EPC2: variants seen among roughly 807,000 people sequenced by gnomAD.
The protein encoded by EPC2 is enhancer of polycomb 2, also known as enhancer of polycomb homolog 2.
A neutral mutation model predicts 92.1 loss-of-function variants in EPC2; 14 were observed. That is an observed-to-expected ratio of 0.15 (90% CI 0.10 to 0.24). The LOEUF (loss-of-function observed/expected upper bound fraction) is 0.24. EPC2 is among the 10% of genes least tolerant of loss of function. The pLI, the probability that EPC2 is intolerant of heterozygous loss-of-function variation, is 1.00. For missense variants in EPC2, 755 were observed against 971.5 expected, an observed-to-expected ratio of 0.78 and a Z score of 2.96; for synonymous variants, 340 against 334.7, an observed-to-expected ratio of 1.02 and a Z score of -0.17.
At chr2:148,677,952 C>T (rs1050405145) in intron 1 of EPC2, among the ~76,000 whole-genome samples, 7 of 152,046 alleles carry the variant, frequency 4.6e-5, no homozygotes, top group Admixed American at 2.6e-4. Context: ...TTGCAAAGAG[C>T]GAAAGAACAA....
intron 1 of EPC2, among the ~76,000 whole-genome samples, chr2:148,677,936 G>T (rs1344160209): frequency 6.6e-6 from 1 of 152,150 alleles, no homozygotes; most frequent in African/African-American, 2.4e-5. Context: ...GCAGTAGCAA[G>T]ATTTATTGCA....
intron 1 of EPC2, among the ~76,000 whole-genome samples, chr2:148,678,214 G>A (rs1176918463): frequency 6.6e-6 from 1 of 152,198 alleles, no homozygotes; most frequent in Non-Finnish European, 1.5e-5. Context: ...GACACAGGGT[G>A]CTGATTGGTG....
chr2:148,658,756 C>T (rs189366714), intron 1 of EPC2, among the ~76,000 whole-genome samples: 1 of 151,460 alleles, frequency 6.6e-6, no homozygotes, highest in Admixed American at 6.6e-5. Context: ...CTTAATTCAG[C>T]GACATGGGTT....
chr2:148,746,737 A>G (rs1460997094), intron 3 of EPC2, among the ~76,000 whole-genome samples: 1 of 152,158 alleles, frequency 6.6e-6, no homozygotes, highest in African/African-American at 2.4e-5. Flanking sequence ...CCTATTCTTA[A>G]GAAATATACA....
chr2:148,745,897 A>G (rs1488306275), intron 3 of EPC2, among the ~76,000 whole-genome samples: 1 of 152,066 alleles, frequency 6.6e-6, no homozygotes, highest in East Asian at 1.9e-4. Flanking sequence ...CTGGGAGACT[A>G]TTTCAATGAA....
At chr2:148,735,852 A>AC (rs1434701901) in intron 2 of EPC2, among the ~76,000 whole-genome samples, 1 of 150,168 alleles carries the variant, frequency 6.7e-6, no homozygotes, top group African/African-American at 2.4e-5. Flanking sequence ...CATTTATCTT[A>AC]CTTTTTTTTA....
chr2:148,645,309 G>A lies in EPC2; in HGVS notation c.153+139G>A, dbSNP rs936691882. 19 of 777,818 alleles carry A rather than the reference G, an allele frequency of 2.4e-5. No homozygotes were observed. In the African/African-American group the frequency reaches 2.7e-4, roughly 11 times the overall value. 48.2% of individuals were successfully genotyped at this position (777,818 alleles called of 1,614,324 possible). A position where few individuals can be genotyped will look rare whatever the true frequency, so the allele number is the denominator to read the frequency against. On this transcript the variant is annotated intron_variant, in intron 1 of 13. Transcript: ENST00000258484. ...CTAACGCACGGGACTCTACGCCGGC[G>A]GAGTAGCGTAAACCCTCTCGGCCGG... is the stretch of plus-strand genomic sequence containing the variant.
In EPC2 at chr2:148,698,892, G is replaced by A. The variant is rs150028875; in HGVS notation, c.313+8519G>A. On this transcript the variant is annotated intron_variant, in intron 2 of 13. Coordinates refer to ENST00000258484, the MANE Select transcript of EPC2 (RefSeq NM_015630.4). ...ATGTGTGTATGTGTTTGTGGCTTTC[G>A]CTTTTTCACTGACTGTCATAGAGTA... Among the ~76,000 whole-genome samples, 128 of 145,446 alleles carry A rather than the reference G, an allele frequency of 8.8e-4. No homozygotes were observed. The East Asian group carries it at 0.023, about 27-fold the overall frequency.
At chr2:148,647,035 G>A (rs371338918) in intron 1 of EPC2, among the ~76,000 whole-genome samples, 1 of 151,960 alleles carries the variant, frequency 6.6e-6, no homozygotes. Context: ...GCTTGAACCC[G>A]GGAGAAAGAG....
intron 2 of EPC2, among the ~76,000 whole-genome samples, chr2:148,709,653 A>G (rs1682088546): frequency 6.6e-6 from 1 of 152,092 alleles, no homozygotes; most frequent in Non-Finnish European, 1.5e-5. Context: ...CAGAGATATA[A>G]ACCAACAGAA....
intron 4 of EPC2, among the ~76,000 whole-genome samples, chr2:148,759,523 A>AT: frequency 6.6e-6 from 1 of 152,354 alleles, no homozygotes; most frequent in East Asian, 1.9e-4. Context: ...GTATAAAGAA[A>AT]TTAAGTAATA....
At chr2:148,779,322 A>G (rs796137589) in intron 10 of EPC2, among the ~76,000 whole-genome samples, 6 of 152,288 alleles carry the variant, frequency 3.9e-5, no homozygotes, top group African/African-American at 1.4e-4. Flanking sequence ...TAGCTCATGC[A>G]TGTAATTCCA....
intron 1 of EPC2, among the ~76,000 whole-genome samples, chr2:148,647,564 C>T (rs1036027318): frequency 6.6e-6 from 1 of 151,524 alleles, no homozygotes; most frequent in Non-Finnish European, 1.5e-5. Context: ...GCCTCGGCCT[C>T]CCAAATTTCT....
intron 12 of EPC2, 44 bp from the exon 13 acceptor site, chr2:148,784,624 T>C (rs1436484727): frequency 7.5e-7 from 1 of 1,330,240 alleles, no homozygotes; most frequent in South Asian, 1.4e-5. Context: ...AATAGTTGTA[T>C]TGATGTCTCA....
intron 1 of EPC2, chr2:148,645,502 C>A (rs931547400): frequency 3.6e-6 from 1 of 274,294 alleles, no homozygotes; most frequent in South Asian, 5.4e-5. Context: ...CTTTCCACCT[C>A]CCTCTCTCAG....
intron 1 of EPC2, among the ~76,000 whole-genome samples, chr2:148,645,802 GCGCGGGGCGGA>G (rs1258828457): frequency 1.3e-5 from 2 of 152,174 alleles, no homozygotes; most frequent in African/African-American, 4.8e-5. Flanking sequence ...CCCGAGCCGG[GCGCGGGGCGGA>G]CGGGCTCTGC....
chr2:148,774,850 G>A (rs1683595178), intron 10 of EPC2, among the ~76,000 whole-genome samples: 1 of 151,584 alleles, frequency 6.6e-6, no homozygotes, highest in South Asian at 2.1e-4. Flanking sequence ...CACTTTGGGA[G>A]GCCGAGGCAG....
At chr2:148,683,035 CT>C (rs958761613) in intron 1 of EPC2, among the ~76,000 whole-genome samples, 5 of 150,236 alleles carry the variant, frequency 3.3e-5, no homozygotes, top group East Asian at 1.9e-4. Context: ...ATTAACACTG[CT>C]TTTTTTTTCC....
chr2:148,664,914 CTTTG>C (rs1369353233), intron 1 of EPC2, among the ~76,000 whole-genome samples: 1 of 152,060 alleles, frequency 6.6e-6, no homozygotes, highest in Non-Finnish European at 1.5e-5. Context: ...ATCTGTTTTC[CTTTG>C]TTTGGGGTAA....
Sources: allele counts gnomAD v4.1 joint callset (sites outside exome capture counted in the v4.1 genomes callset), GRCh38; gene constraint gnomAD v4.1.1; transcripts MANE v1.5; gene names NCBI Gene and HGNC (gene_info 2026-07-23, HGNC 2026-07-21).